ANO3: variants seen among roughly 807,000 people sequenced by gnomAD.
ANO3 encodes the protein anoctamin-3.
In ANO3, 99 loss-of-function variants were observed where a neutral mutation model predicts 144.8. The observed-to-expected ratio is 0.68, with a 90% CI of 0.58 to 0.81. The LOEUF is 0.81. Ranked by LOEUF, ANO3 falls within the 30% of genes least tolerant of loss-of-function variation. The pLI is 0.00. For synonymous variants in ANO3, 414 were observed against 392.6 expected, an observed-to-expected ratio of 1.05 and a Z score of -0.64; for missense variants, 905 against 1,202.2, an observed-to-expected ratio of 0.75 and a Z score of 3.66.
At chr11:26,617,148 A>C (rs1201007742) in intron 17 of ANO3, among the ~76,000 whole-genome samples, 1 of 152,178 alleles carries the variant, frequency 6.6e-6, no homozygotes, top group Non-Finnish European at 1.5e-5. Context: ...ACCAGACTCC[A>C]GTTTTATATT....
chr11:26,629,777 G>A (rs376374767), intron 18 of ANO3, among the ~76,000 whole-genome samples: 3 of 151,916 alleles, frequency 2.0e-5, no homozygotes, highest in South Asian at 2.1e-4. Flanking sequence ...GATTACAGGC[G>A]TGCACCTCCA....
chr11:26,289,575 T>C lies in ANO3; in HGVS notation c.155-20070T>C, dbSNP rs12794264. ...ATGTGTGTATATGTACATATACACA[T>C]ATATCCTATATGTGTGTATATGTAC... On this transcript the variant is annotated intron_variant, in intron 1 of 27. Transcript: ENST00000672621. Among the ~76,000 whole-genome samples the C allele has an allele frequency of 1.2e-3, 136 of 108,928 alleles. 1 individual carries two copies. Among genetic ancestry groups the C allele is most frequent in the Middle Eastern group, 4.7e-3 (1 of 214 alleles). 71.5% of individuals were successfully genotyped at this position (108,928 alleles called of 152,430 possible).
At chr11:26,568,022 G>T (rs889616634) in intron 14 of ANO3, among the ~76,000 whole-genome samples, 3 of 151,974 alleles carry the variant, frequency 2.0e-5, no homozygotes, top group African/African-American at 7.2e-5. Flanking sequence ...GAAGGAGGTT[G>T]TGTGCTGGTG....
rs114988926 is a variant in ANO3 at position 26,254,844 on chromosome 11, C to T, written c.155-54801C>T. 7.7e-3 allele frequency among the ~76,000 whole-genome samples: 1,172 copies of T among 152,192 alleles called. 13 individuals carry two copies. The highest frequency in any genetic ancestry group is 0.027 in the African/African-American group (1,107 of 41,542). On this transcript the variant is annotated intron_variant, in intron 1 of 27. Coordinates refer to the ANO3 transcript ENST00000672621. ...TACTTAGAAGAGGTTATCATATTCC[C>T]GGCATTACAGTACAACACTCTTACA...
At position 26,268,772 on chromosome 11, in the gene ANO3, T is replaced by A. The variant is rs577835416; in HGVS notation, c.155-40873T>A. ...CAGCTGAGCAGGTTTCTAGCCTAAA[T>A]GATTTCACTGACAACATAGTTTTCT... On this transcript the variant is annotated intron_variant, in intron 1 of 27. Transcript: ENST00000672621. Among the ~76,000 whole-genome samples, 4 of 152,304 alleles carry A rather than the reference T, an allele frequency of 2.6e-5. No individual in the cohort carries two copies. The East Asian group carries it at 5.8e-4, about 22-fold the overall frequency.
chr11:26,302,774 A>T (rs1170941844), intron 1 of ANO3, among the ~76,000 whole-genome samples: 1 of 152,206 alleles, frequency 6.6e-6, no homozygotes, highest in African/African-American at 2.4e-5. Context: ...GGACATATAT[A>T]TGTGTTTAGA....
At chr11:26,466,820 T>C (rs1217188728) in intron 4 of ANO3, among the ~76,000 whole-genome samples, 1 of 151,954 alleles carries the variant, frequency 6.6e-6, no homozygotes, top group Non-Finnish European at 1.5e-5. Flanking sequence ...TGTTAAAGAA[T>C]AACACATTGG....
chr11:26,215,982 G>A lies in ANO3; in HGVS notation c.154+26652G>A, dbSNP rs553211273. 2.6e-5 allele frequency among the ~76,000 whole-genome samples: 4 copies of A among 151,954 alleles called. No individual in the cohort carries two copies. The South Asian group carries it at 8.3e-4, about 32-fold the overall frequency. ...CAACCAGGGTACGATTATTTATACT[G>A]TTTTTTATATTCTTTTTGCCTTTAG... On this transcript the variant is annotated intron_variant, in intron 1 of 27. Coordinates refer to the ANO3 transcript ENST00000672621.
At chr11:26,236,749 C>T (rs1045099480) in intron 1 of ANO3, among the ~76,000 whole-genome samples, 1 of 142,852 alleles carries the variant, frequency 7.0e-6, no homozygotes, top group Non-Finnish European at 1.5e-5. Flanking sequence ...ACCTGGGAGG[C>T]AGAGCTTGCA....
At chr11:26,224,174 T>G (rs1241617441) in intron 1 of ANO3, among the ~76,000 whole-genome samples, 1 of 151,666 alleles carries the variant, frequency 6.6e-6, no homozygotes, top group Non-Finnish European at 1.5e-5. Flanking sequence ...CTCCTCTCGG[T>G]AACCAAGGAT....
intron 7 of ANO3, among the ~76,000 whole-genome samples, chr11:26,527,865 A>G (rs533459082): frequency 2.0e-5 from 2 of 102,108 alleles, no homozygotes; most frequent in East Asian, 7.8e-4. Flanking sequence ...TGCAGATAGG[A>G]AAACAAAAAA....
At chr11:26,221,414 A>G (rs959834741) in intron 1 of ANO3, among the ~76,000 whole-genome samples, 2 of 152,210 alleles carry the variant, frequency 1.3e-5, no homozygotes, top group African/African-American at 4.8e-5. Flanking sequence ...TATAAATCCA[A>G]CAGATCATCA....
chr11:26,299,675 T>G (rs1590243630), intron 1 of ANO3, among the ~76,000 whole-genome samples: 2 of 151,828 alleles, frequency 1.3e-5, no homozygotes, highest in South Asian at 4.1e-4. Flanking sequence ...TGGCAGGGGG[T>G]GCAGGGACTG....
At chr11:26,396,654 A>G (rs2133969043) in intron 1 of ANO3, among the ~76,000 whole-genome samples, 1 of 152,248 alleles carries the variant, frequency 6.6e-6, no homozygotes, top group Middle Eastern at 3.4e-3. Flanking sequence ...TACATGAATG[A>G]AGCTGGAAAC....
intron 1 of ANO3, among the ~76,000 whole-genome samples, chr11:26,217,956 T>G (rs1249896992): frequency 6.6e-6 from 1 of 152,094 alleles, no homozygotes; most frequent in Non-Finnish European, 1.5e-5. Flanking sequence ...GTGGATATTG[T>G]GATAATGATT....
At chr11:26,303,171 A>G (rs555044582) in intron 1 of ANO3, among the ~76,000 whole-genome samples, 1 of 152,342 alleles carries the variant, frequency 6.6e-6, no homozygotes, top group African/African-American at 2.4e-5. Context: ...CCACCATTTG[A>G]CCCAGCTATC....
intron 4 of ANO3, among the ~76,000 whole-genome samples, chr11:26,468,399 G>T (rs1434473668): frequency 1.3e-5 from 2 of 151,912 alleles, no homozygotes; most frequent in Non-Finnish European, 2.9e-5. Flanking sequence ...AAATCAAACA[G>T]GAAGAAGGTT....
At chr11:26,504,267 C>T (rs1169809601) in intron 4 of ANO3, among the ~76,000 whole-genome samples, 1 of 10,692 alleles carries the variant, frequency 9.4e-5, no homozygotes, top group Non-Finnish European at 1.6e-3. Flanking sequence ...CAAATGACCA[C>T]ATGATTTTTT....
chr11:26,222,523 G>T (rs1852167589), intron 1 of ANO3, among the ~76,000 whole-genome samples: 1 of 152,192 alleles, frequency 6.6e-6, no homozygotes, highest in Non-Finnish European at 1.5e-5. Flanking sequence ...GTGTGTGGAG[G>T]TCCCAACCCC....
Sources: allele counts gnomAD v4.1 joint callset (sites outside exome capture counted in the v4.1 genomes callset), GRCh38; gene constraint gnomAD v4.1.1; transcripts MANE v1.5; gene names NCBI Gene and HGNC (gene_info 2026-07-23, HGNC 2026-07-21).